IL16: variants seen among roughly 807,000 people sequenced by gnomAD.
IL16 encodes the protein pro-interleukin-16.
In IL16, 67 loss-of-function variants were observed where a neutral mutation model predicts 110.1. That is an observed-to-expected ratio of 0.61 (90% CI 0.50 to 0.75). The LOEUF (loss-of-function observed/expected upper bound fraction) is 0.75, where lower values mean the gene tolerates loss of function less well. Ranked by LOEUF, IL16 falls within the 30% of genes least tolerant of loss-of-function variation. IL16 has a pLI of 0.00. For missense variants in IL16, 1,545 were observed against 1,655.0 expected (o/e 0.93, Z 1.15); for synonymous variants, 689 against 662.9 (o/e 1.04, Z -0.61).
intron 17 of IL16, 81 bp from the exon 18 acceptor site, chr15:81,306,338 AC>A: frequency 6.3e-7 from 1 of 1,576,376 alleles, no homozygotes. Flanking sequence ...GGGCTGTATC[AC>A]CCCGGGCTCA....
intron 13 of IL16, among the ~76,000 whole-genome samples, chr15:81,298,969 G>C (rs964300047): frequency 2.6e-5 from 4 of 152,210 alleles, no homozygotes; most frequent in Non-Finnish European, 5.9e-5. Context: ...AACTGCTTTG[G>C]CTTTTACACA....
intron 1 of IL16, among the ~76,000 whole-genome samples, chr15:81,213,892 A>G (rs1242324652): frequency 1.3e-5 from 2 of 152,072 alleles, no homozygotes; most frequent in African/African-American, 4.8e-5. Flanking sequence ...GTTAGTATTG[A>G]TATGCGTGAT....
At chr15:81,260,969 A>T (rs551262298) in intron 3 of IL16, among the ~76,000 whole-genome samples, 1 of 152,260 alleles carries the variant, frequency 6.6e-6, no homozygotes, top group Non-Finnish European at 1.5e-5. Context: ...AAATTTCAGT[A>T]GCTAATATTC....
intron 12 of IL16, among the ~76,000 whole-genome samples, chr15:81,295,072 A>G (rs923520137): frequency 2.0e-5 from 3 of 152,194 alleles, no homozygotes; most frequent in Non-Finnish European, 2.9e-5. Flanking sequence ...ACAAAAAACT[A>G]ACATCCCTCT....
Position 81,282,623 on chromosome 15 carries a change from C to A in IL16, c.1082-16C>A, listed in dbSNP as rs199646222. ...CTCAGTCCCGGTCTCCCCACCCCGC[C>A]CTGTTCTGCTTCCAGAGGCCGGCGT... On this transcript the variant is annotated splice_polypyrimidine_tract_variant and intron_variant, in intron 8 of 18. Transcript: ENST00000683961. 870 of 1,603,738 alleles carry A rather than the reference C, an allele frequency of 5.4e-4. 9 individuals are homozygous for A. In the African/African-American group the frequency reaches 9.6e-3, roughly 18 times the overall value.
At chr15:81,202,551 A>G (rs1895859197) in intron 1 of IL16, among the ~76,000 whole-genome samples, 2 of 142,646 alleles carry the variant, frequency 1.4e-5, no homozygotes, top group African/African-American at 5.3e-5. Flanking sequence ...GTTCAATTCC[A>G]CCTATGAGTG....
chr15:81,193,670 G>A (rs1302409204), upstream of IL16, among the ~76,000 whole-genome samples: 1 of 152,152 alleles, frequency 6.6e-6, no homozygotes, highest in Non-Finnish European at 1.5e-5. Flanking sequence ...TGTGGGCCAG[G>A]GAAAGAGGGG....
chr15:81,231,030 C>T (rs1896952613), intron 2 of IL16, among the ~76,000 whole-genome samples: 1 of 151,818 alleles, frequency 6.6e-6, no homozygotes, highest in African/African-American at 2.4e-5. Flanking sequence ...CAAACCTGGC[C>T]CCAGATTCAC....
chr15:81,184,878 A>G (rs1418414405), intron 1 of IL16, among the ~76,000 whole-genome samples: 2 of 152,174 alleles, frequency 1.3e-5, no homozygotes, highest in African/African-American at 4.8e-5. Flanking sequence ...CAGCTCTGCT[A>G]TTTCACATGT....
At position 81,287,007 on chromosome 15, in the gene IL16, G is replaced by A. The variant is rs532885823; in HGVS notation, c.1332+1177G>A. ...TCACTATCATGAGAACAGAATGGGG[G>A]AAACTGCCCCTATGACTCAATTATC... On this transcript the variant is annotated intron_variant, in intron 10 of 18. Coordinates refer to ENST00000683961, the MANE Select transcript of IL16 (RefSeq NM_172217.5). Among the ~76,000 whole-genome samples the A allele has an allele frequency of 6.6e-5, 10 of 152,258 alleles. No individual in the cohort carries two copies. The East Asian group carries it at 1.9e-3, about 29-fold the overall frequency.
At chr15:81,272,987 C>A in intron 5 of IL16, 103 bp from the exon 6 acceptor site, 1 of 809,306 alleles carries the variant, frequency 1.2e-6, no homozygotes, top group Non-Finnish European at 2.1e-6. Context: ...TCTCTCCTTC[C>A]CAATCCCTTT....
Position 81,303,762 on chromosome 15 carries a change from C to A in IL16, c.3420+112C>A. The A allele has an allele frequency of 2.7e-6, 2 of 732,508 alleles. No individual in the cohort carries two copies. Among genetic ancestry groups the A allele is most frequent in the Non-Finnish European group, 4.9e-6 (2 of 409,324 alleles). The allele number at this position is 732,508 out of a possible 1,614,324, so 45.4% of individuals were successfully genotyped here. ...CTGGGGAAATGAAGAATGCATGACA[C>A]TAGGCCACTGGGCAGGTCCTGTCCA... On this transcript the variant is annotated intron_variant, in intron 16 of 18. Coordinates refer to ENST00000683961, the MANE Select transcript of IL16 (RefSeq NM_172217.5). This position sits in a 1 kb window ranked among gnomAD's most constrained non-coding sequence, Gnocchi z 4.1.
chr15:81,224,849 T>G (rs1896734926), intron 1 of IL16, among the ~76,000 whole-genome samples: 1 of 152,152 alleles, frequency 6.6e-6, no homozygotes, highest in Non-Finnish European at 1.5e-5. Context: ...AAAGTGGAAC[T>G]TAGTTTTGGT....
chr15:81,211,536 G>A (rs528945385), intron 1 of IL16, among the ~76,000 whole-genome samples: 1 of 152,306 alleles, frequency 6.6e-6, no homozygotes, highest in East Asian at 1.9e-4. Flanking sequence ...ACAAGCATGA[G>A]CCACCGCGCT....
At chr15:81,182,818 C>T in exon 1 of IL16, 1 of 1,281,636 alleles carries the variant, frequency 7.8e-7, no homozygotes, top group Non-Finnish European at 1.0e-6. Flanking sequence ...TTTGGAGGAA[C>T]TTTTCACAGC....
At position 81,292,637 on chromosome 15, in the gene IL16, G is replaced by A. The variant is rs757633477; in HGVS notation, c.1502G>A (p.Arg501His). Residue 501 changes from arginine to histidine, a missense_variant, in exon 12 of 19, where the codon CGC becomes CAC. Physicochemically the swap from Arg to His is conservative, Grantham distance 29 (BLOSUM62 0). Coordinates refer to ENST00000683961, the MANE Select transcript of IL16 (RefSeq NM_172217.5). ...GAGAAGAACTCAGCACCCCCGCATCGCAGGGCTCAGAAGGTCATGATCCGC... is the reference window on the plus strand; with the variant it reads ...GAGAAGAACTCAGCACCCCCGCATCACAGGGCTCAGAAGGTCATGATCCGC... Reference protein sequence around the residue: ...EREKNSAPPHRRAQKVMIRSS... With the variant: ...EREKNSAPPHHRAQKVMIRSS... The A allele has an allele frequency of 8.1e-6, 13 of 1,611,730 alleles. No homozygotes were observed. The highest frequency in any genetic ancestry group is 2.7e-5 in the African/African-American group (2 of 74,892).
chr15:81,183,511 C>T (rs1436688891), intron 1 of IL16, among the ~76,000 whole-genome samples: 3 of 152,228 alleles, frequency 2.0e-5, no homozygotes, highest in Non-Finnish European at 4.4e-5. Context: ...CAGGGCAGAA[C>T]GTTTTAACCC....
At chr15:81,302,843 G>A (rs564607391) in intron 15 of IL16, among the ~76,000 whole-genome samples, 9 of 152,164 alleles carry the variant, frequency 5.9e-5, no homozygotes, top group Non-Finnish European at 1.3e-4. Context: ...AGATGTACTC[G>A]TTGGCGCTCT....
intron 2 of IL16, 145 bp downstream of exon 2, chr15:81,225,856 C>A: frequency 1.4e-6 from 1 of 702,932 alleles, no homozygotes; most frequent in Non-Finnish European, 2.3e-6. Context: ...TGAGGCAGGG[C>A]CCACTGGAAC....
Sources: gnomAD v4.1 joint callset for allele counts (sites outside exome capture counted in the v4.1 genomes callset) on GRCh38, gnomAD v4.1.1 for gene constraint, Gnocchi (gnomAD v3.1) non-coding constraint, MANE v1.5 for transcripts, NCBI Gene and HGNC (gene_info 2026-07-23, HGNC 2026-07-21) for gene names.